The following ABCA9 variants were observed in gnomAD, a reference collection of about 807,000 sequenced individuals.
ABCA9 encodes ATP-binding cassette sub-family A member 9.
ABCA9 carries 183 observed loss-of-function variants against 205.3 expected under a neutral mutation model. That is an observed-to-expected ratio of 0.89 (90% CI 0.79 to 1.01). The LOEUF is 1.01. Ranked by LOEUF, ABCA9 falls within the 50% of genes least tolerant of loss-of-function variation. ABCA9 has a pLI of 0.00. For missense variants in ABCA9, 1,805 were observed against 1,912.4 expected (o/e 0.94, Z 1.05); for synonymous variants, 651 against 683.3 (o/e 0.95, Z 0.74).
At chr17:69,034,486 CTA>C in intron 8 of ABCA9, 1 of 152,240 alleles carries the variant, frequency 6.6e-6, no homozygotes, top group East Asian at 1.9e-4. Context: ...TCCCAAAGTG[CTA>C]TGATTTACAG....
chr17:69,050,983 T>C lies in ABCA9; in HGVS notation c.96+48A>G, dbSNP rs1206755511. On this transcript the variant is annotated intron_variant, in intron 2 of 38. Coordinates refer to ENST00000340001, the MANE Select transcript of ABCA9 (RefSeq NM_080283.4). ...AAAGTGTTTATGTTGCCTGATAAAA[T>C]ACTTTTTCATCCTCTAAATATGAGA... The C allele has an allele frequency of 7.1e-6, 11 of 1,547,462 alleles. 1 individual carries two copies. The South Asian group carries it at 1.1e-4, about 15-fold the overall frequency.
chr17:69,021,712 CCT>C (rs2070814858), intron 18 of ABCA9, 28 bp downstream of exon 18: 1 of 1,364,218 alleles, frequency 7.3e-7, no homozygotes, highest in African/African-American at 1.5e-5. Context: ...TTTCTTTCTC[CCT>C]TTCTTTCTCT....
At position 68,989,262 on chromosome 17, in the gene ABCA9, A is replaced by T. The variant is rs113139039; in HGVS notation, c.3956-144T>A. The T allele has an allele frequency of 8.6e-3, 3,436 of 397,396 alleles. 66 individuals are homozygous for T. Among genetic ancestry groups the T allele is most frequent in the African/African-American group, 0.075 (2,518 of 33,376 alleles). 24.6% of individuals were successfully genotyped at this position (397,396 alleles called of 1,614,324 possible). The stretch of plus-strand genomic sequence containing the variant: ...TTATTCCTCTCTCTCTCTCTCACAC[A>T]CACACACACACACACACACACACAC... On this transcript the variant is annotated intron_variant, in intron 30 of 38. Transcript: ENST00000340001.
the ABCA9 span, among the ~76,000 whole-genome samples, chr17:69,077,618 T>C: frequency 4.2e-4 from 64 of 152,336 alleles, no homozygotes; most frequent in Non-Finnish European, 8.7e-4. Context: ...AGTTTCCTAC[T>C]ACCATTGTTT....
chr17:69,054,051 C>A (rs1034186729), intron 1 of ABCA9, among the ~76,000 whole-genome samples: 1 of 152,082 alleles, frequency 6.6e-6, no homozygotes, highest in Non-Finnish European at 1.5e-5. Context: ...AGAGAATAAA[C>A]CCACCAACTT....
In ABCA9 at chr17:68,983,817, T is replaced by C; in HGVS notation, c.4532A>G (p.Lys1511Arg). 6.2e-7 allele frequency: 1 copy of C among 1,614,144 alleles called. No individual in the cohort carries two copies. The highest frequency in any genetic ancestry group is 8.5e-7 in the Non-Finnish European group (1 of 1,180,014). ...CIGSIQHLKS[K>R]FGKDYLLEMK... ...CTCCAGCAGGTAGTCTTTGCCAAAT[T>C]TGCTTTTCAGGTGTTGGATGGAACC... is the stretch of plus-strand genomic sequence containing the variant. Residue 1511 changes from lysine to arginine, a missense_variant, in exon 36 of 39, where the codon AAA becomes AGA. Lys to Arg is a conservative substitution (Grantham distance 26). Transcript: ENST00000340001.
chr17:68,985,218 G>A (rs1248802568), intron 32 of ABCA9, 90 bp from the exon 33 acceptor site: 1 of 1,570,166 alleles, frequency 6.4e-7, no homozygotes, highest in East Asian at 2.2e-5. Context: ...GACGGTGGGG[G>A]AGGTGTTTAT....
At chr17:69,074,436 T>C in the ABCA9 span, among the ~76,000 whole-genome samples, 2 of 152,188 alleles carry the variant, frequency 1.3e-5, no homozygotes, top group Non-Finnish European at 2.9e-5. Context: ...GGGACTATTG[T>C]TGCCATCTTT....
rs544258509 is a variant in ABCA9, at chr17:69,016,102, G to A, written c.3039+151C>T. ...TGCACACAGATTTATATGTGTGTGT[G>A]TATATATATATATATATATATACAC... On this transcript the variant is annotated intron_variant, in intron 22 of 38. Coordinates refer to ENST00000340001, the MANE Select transcript of ABCA9 (RefSeq NM_080283.4). 710 of 263,454 alleles carry A rather than the reference G, an allele frequency of 2.7e-3. 4 individuals carry two copies. The highest frequency in any genetic ancestry group is 4.6e-3 in the Middle Eastern group (4 of 878). The allele number at this position is 263,454 out of a possible 1,614,324, so 16.3% of individuals were successfully genotyped here.
intron 33 of ABCA9, 22 bp from the exon 34 acceptor site, chr17:68,985,001 C>A (rs768516352): frequency 6.2e-7 from 1 of 1,614,230 alleles, no homozygotes; most frequent in South Asian, 1.1e-5. Context: ...GGAACAGCCC[C>A]TCTGGTTCCC....
chr17:69,050,337 CACACGA>C (rs1352481115), intron 2 of ABCA9, among the ~76,000 whole-genome samples: 1 of 67,076 alleles, frequency 1.5e-5, no homozygotes, highest in Non-Finnish European at 3.7e-5. Flanking sequence ...CACACACACA[CACACGA>C]ACACACACAC....
chr17:69,055,526 G>T (rs1489990010), intron 1 of ABCA9, among the ~76,000 whole-genome samples: 2 of 152,146 alleles, frequency 1.3e-5, no homozygotes, highest in Non-Finnish European at 2.9e-5. Flanking sequence ...AATACTGAGA[G>T]AACTGCAAAG....
intron 17 of ABCA9, chr17:69,022,196 A>G (rs2070834458): frequency 6.5e-6 from 1 of 152,840 alleles, no homozygotes; most frequent in Non-Finnish European, 1.5e-5. Context: ...AATATTTTCC[A>G]GAGAATAGAG....
chr17:69,026,933 C>A, intron 15 of ABCA9, 43 bp downstream of exon 15: 1 of 1,606,020 alleles, frequency 6.2e-7, no homozygotes, highest in Non-Finnish European at 8.5e-7. Flanking sequence ...TCCACACTGT[C>A]TCTAACCTCT....
intron 37 of ABCA9, among the ~76,000 whole-genome samples, chr17:68,982,178 G>A (rs16967340): frequency 0.055 from 8,354 of 152,214 alleles, 540 homozygotes; most frequent in African/African-American, 0.15. Context: ...ATAATCTACC[G>A]CTGAATGTAC....
intron 37 of ABCA9, among the ~76,000 whole-genome samples, chr17:68,979,626 G>A (rs557329158): frequency 0.018 from 2,701 of 152,028 alleles, 89 homozygotes; most frequent in African/African-American, 0.06. Flanking sequence ...CAGAAATAAT[G>A]CCACATATCT....
intron 22 of ABCA9, among the ~76,000 whole-genome samples, chr17:69,013,591 T>C (rs1193989815): frequency 1.3e-5 from 2 of 152,140 alleles, no homozygotes; most frequent in Non-Finnish European, 2.9e-5. Context: ...TACTCATGAC[T>C]GGGTTCATAA....
Position 69,035,446 on chromosome 17 carries a change from A to G in ABCA9, c.943-15T>C, listed in dbSNP as rs1170924520. 9.6e-6 allele frequency: 15 copies of G among 1,555,792 alleles called. No homozygotes were observed. The highest frequency in any genetic ancestry group is 1.2e-5 in the Non-Finnish European group (14 of 1,157,174). On this transcript the variant is annotated splice_polypyrimidine_tract_variant and intron_variant, in intron 7 of 38. Transcript: ENST00000340001. ...GCTAAAGTTATCTGAGAAAAGAGAA[A>G]GACTTCAGCTGGTATATAATTCTGT...
intron 22 of ABCA9, 142 bp downstream of exon 22, chr17:69,016,110 AT>A (rs1168749965): frequency 4.0e-6 from 1 of 250,996 alleles, no homozygotes; most frequent in Admixed American, 6.8e-5. Flanking sequence ...GTGTATATAT[AT>A]ATATATATAT....
Sources: allele counts gnomAD v4.1 joint callset (sites outside exome capture counted in the v4.1 genomes callset), GRCh38; gene constraint gnomAD v4.1.1; transcripts MANE v1.5; gene names NCBI Gene and HGNC (gene_info 2026-07-23, HGNC 2026-07-21).